The following EPHB2 variants were observed in gnomAD, a reference collection of about 807,000 sequenced individuals.
The protein encoded by EPHB2 is EPH receptor B2.
Under a neutral mutation model 96.4 loss-of-function variants are expected in EPHB2, and 18 were observed. The ratio of observed to expected loss-of-function variants is 0.19; its 90% CI spans 0.13 to 0.28. EPHB2 has a LOEUF of 0.28. Among genes scored for constraint, EPHB2 ranks in the 10% least tolerant of loss-of-function variants. The pLI is 1.00. For missense variants in EPHB2, 989 were observed against 1,355.4 expected (o/e 0.73, Z 4.25); for synonymous variants, 506 against 534.1 (o/e 0.95, Z 0.72).
At chr1:22,803,476 A>G (rs1644873888) in intron 3 of EPHB2, among the ~76,000 whole-genome samples, 1 of 151,746 alleles carries the variant, frequency 6.6e-6, no homozygotes, top group Non-Finnish European at 1.5e-5. Context: ...GTGTGGTGGT[A>G]CGCACTTGTA....
rs1342150482 is a variant in EPHB2, at chr1:22,917,183, G to A, written c.*3613G>A. 1 of 152,266 alleles carries A rather than the reference G, an allele frequency of 6.6e-6. No homozygotes were observed. Among genetic ancestry groups the A allele is most frequent in the Non-Finnish European group, 1.5e-5 (1 of 68,148 alleles). The allele number at this position is 152,266 out of a possible 1,614,324, so 9.4% of individuals were successfully genotyped here. A position where few individuals can be genotyped will look rare whatever the true frequency, so the allele number is the denominator to read the frequency against. Reference sequence around the variant, plus strand: ...GGTCCCCACCCTGCCACCATCTAGGGGCTTCTCTGCCACCACCTTGTGAGC... The same window carrying A: ...GGTCCCCACCCTGCCACCATCTAGGAGCTTCTCTGCCACCACCTTGTGAGC... On this transcript the variant is annotated 3_prime_UTR_variant, in exon 16 of 16. Coordinates refer to ENST00000374630, the MANE Select transcript of EPHB2 (RefSeq NM_017449.5).
intron 5 of EPHB2, 133 bp from the exon 6 acceptor site, chr1:22,882,226 T>C (rs1639070184): frequency 6.7e-7 from 1 of 1,496,922 alleles, no homozygotes; most frequent in South Asian, 1.2e-5. Flanking sequence ...CGAGACTGGC[T>C]CTGTGGCCTC....
At position 22,784,824 on chromosome 1, in the gene EPHB2, C is replaced by T; in HGVS notation, c.559C>T (p.Leu187Phe). The change falls in exon 3 of 16, where the codon CTC (leucine) becomes TTC (phenylalanine). Residue 187 changes from leucine (L) to phenylalanine (F), a missense_variant. Coordinates refer to ENST00000374630, the MANE Select transcript of EPHB2 (RefSeq NM_017449.5). This position sits in a 1 kb window ranked among gnomAD's most constrained non-coding sequence, Gnocchi z 5.1. Reference sequence around the variant, plus strand: ...CCAGGACTATGGCGGCTGCATGTCCCTCATCGCCGTGCGTGTCTTCTACCG... The same window carrying T: ...CCAGGACTATGGCGGCTGCATGTCCTTCATCGCCGTGCGTGTCTTCTACCG... ...AFQDYGGCMS[L>F]IAVRVFYRKC... 6.2e-7 allele frequency: 1 copy of T among 1,603,318 alleles called. No individual in the cohort carries two copies. Among genetic ancestry groups the T allele is most frequent in the Non-Finnish European group, 8.5e-7 (1 of 1,173,534 alleles).
rs1464946217 is a variant in EPHB2 at position 22,913,086 on chromosome 1, G to C, written c.2853-376G>C. The C allele has an allele frequency of 5.5e-6, 2 of 362,872 alleles. No homozygotes were observed. The highest frequency in any genetic ancestry group is 6.8e-5 in the East Asian group (1 of 14,734). 22.5% of individuals were successfully genotyped at this position (362,872 alleles called of 1,614,324 possible). A position where few individuals can be genotyped will look rare whatever the true frequency, so the allele number is the denominator to read the frequency against. On this transcript the variant is annotated intron_variant, in intron 15 of 15. Transcript: ENST00000374630. The surrounding 1 kb of genome is among the most constrained non-coding windows in gnomAD (Gnocchi z 4.1). ...CATGCACCTGTAATGCCAGCTACTC[G>C]GGAGGCTGAGGCAGGGGAATTGCTT...
At chr1:22,865,854 T>A (rs1638455498) in intron 5 of EPHB2, among the ~76,000 whole-genome samples, 1 of 152,116 alleles carries the variant, frequency 6.6e-6, no homozygotes, top group Non-Finnish European at 1.5e-5. Flanking sequence ...CCCACTCCAG[T>A]CTTAACTCCA....
chr1:22,795,563 T>G (rs894930853), intron 3 of EPHB2, among the ~76,000 whole-genome samples: 2 of 152,236 alleles, frequency 1.3e-5, no homozygotes, highest in African/African-American at 4.8e-5. Flanking sequence ...CAGTATTTAT[T>G]TACTTACACC....
At chr1:22,802,536 A>T (rs1373279692) in intron 3 of EPHB2, among the ~76,000 whole-genome samples, 1 of 152,106 alleles carries the variant, frequency 6.6e-6, no homozygotes, top group Non-Finnish European at 1.5e-5. Context: ...CAGCACCATG[A>T]AAGTTACCCT....
intron 6 of EPHB2, among the ~76,000 whole-genome samples, chr1:22,887,186 G>A (rs186741354): frequency 9.2e-5 from 14 of 152,164 alleles, no homozygotes; most frequent in Admixed American, 8.5e-4. Flanking sequence ...AATATTAGAG[G>A]AGGTGCTGGC....
intron 3 of EPHB2, among the ~76,000 whole-genome samples, chr1:22,856,088 C>G (rs1206701179): frequency 6.6e-6 from 1 of 152,130 alleles, no homozygotes; most frequent in African/African-American, 2.4e-5. Flanking sequence ...CACACTGGGC[C>G]TGACCCAGCG....
chr1:22,881,313 G>A (rs1011075082), intron 5 of EPHB2, among the ~76,000 whole-genome samples: 2 of 152,096 alleles, frequency 1.3e-5, no homozygotes, highest in African/African-American at 4.8e-5. Flanking sequence ...TAGGAGAATC[G>A]CTTGAACCCA....
intron 9 of EPHB2, among the ~76,000 whole-genome samples, chr1:22,898,949 C>A (rs896443510): frequency 6.6e-6 from 1 of 152,096 alleles, no homozygotes; most frequent in East Asian, 1.9e-4. Flanking sequence ...CGGTGGCTCA[C>A]GCCTGTAATC....
chr1:22,870,583 G>A (rs771409830), intron 5 of EPHB2, among the ~76,000 whole-genome samples: 5 of 152,170 alleles, frequency 3.3e-5, no homozygotes, highest in Non-Finnish European at 5.9e-5. Context: ...GCTGAGGTCC[G>A]AATGACAAGC....
At position 22,818,127 on chromosome 1, in the gene EPHB2, C is replaced by T. The variant is rs182162067; in HGVS notation, c.811+33051C>T. Among the ~76,000 whole-genome samples, 226 of 152,214 alleles carry T rather than the reference C, an allele frequency of 1.5e-3. 1 individual carries two copies. Among genetic ancestry groups the T allele is most frequent in the African/African-American group, 4.6e-3 (192 of 41,518 alleles). On this transcript the variant is annotated intron_variant, in intron 3 of 15. Coordinates refer to ENST00000374630, the MANE Select transcript of EPHB2 (RefSeq NM_017449.5). ...TAGTCTGTCGCTTCCCTTACTACAG[C>T]TGACCCTTTCACCCTCTGCCAGACC... is the stretch of plus-strand genomic sequence containing the variant.
intron 3 of EPHB2, among the ~76,000 whole-genome samples, chr1:22,821,726 T>C (rs1645154778): frequency 6.6e-6 from 1 of 152,170 alleles, no homozygotes; most frequent in African/African-American, 2.4e-5. Flanking sequence ...CTGTTAACCT[T>C]TGGATTGAGT....
chr1:22,873,636 C>T (rs16827699), intron 5 of EPHB2, among the ~76,000 whole-genome samples: 4,900 of 152,160 alleles, frequency 0.032, 252 homozygotes, highest in African/African-American at 0.11. Context: ...ATGTGTGAAG[C>T]GTGTCAGAAG....
At chr1:22,859,760 T>C (rs1478625198) in intron 3 of EPHB2, among the ~76,000 whole-genome samples, 1 of 152,124 alleles carries the variant, frequency 6.6e-6, no homozygotes, top group Non-Finnish European at 1.5e-5. Flanking sequence ...GCCACTGCAC[T>C]CCAGCCTGGG....
intron 1 of EPHB2, among the ~76,000 whole-genome samples, chr1:22,761,497 G>C (rs1205599717): frequency 6.6e-6 from 1 of 152,164 alleles, no homozygotes; most frequent in Non-Finnish European, 1.5e-5. Flanking sequence ...ATAAGCATTG[G>C]AGCCATGTCC....
At chr1:22,824,477 G>T (rs1405166730) in intron 3 of EPHB2, among the ~76,000 whole-genome samples, 1 of 152,142 alleles carries the variant, frequency 6.6e-6, no homozygotes, top group Non-Finnish European at 1.5e-5. Flanking sequence ...CCTTTCCATG[G>T]GTCCAGGGTC....
intron 7 of EPHB2, 109 bp from the exon 8 acceptor site, chr1:22,895,363 C>T (rs1381695765): frequency 4.0e-6 from 4 of 998,320 alleles, no homozygotes; most frequent in Non-Finnish European, 6.3e-6. Flanking sequence ...GGGGCAGGAA[C>T]AGAGTCTAGG....
Sources: allele counts gnomAD v4.1 joint callset (sites outside exome capture counted in the v4.1 genomes callset), GRCh38; gene constraint gnomAD v4.1.1; non-coding constraint Gnocchi (gnomAD v3.1); transcripts MANE v1.5; gene names NCBI Gene and HGNC (gene_info 2026-07-23, HGNC 2026-07-21).